The following PARD3 variants were observed in gnomAD, a reference collection of about 807,000 sequenced individuals.
PARD3 encodes par-3 family cell polarity regulator, also known as partitioning defective 3 homolog.
In PARD3, 75 loss-of-function variants were observed where a neutral mutation model predicts 155.4. That is an observed-to-expected ratio of 0.48 (90% CI 0.40 to 0.58). The LOEUF is 0.58. Among genes scored for constraint, PARD3 ranks in the 20% least tolerant of loss-of-function variants. The probability of loss-of-function intolerance (pLI) is 0.00; values close to 1 mark genes in which losing one functional copy is unlikely to be tolerated. For synonymous variants in PARD3, 576 were observed against 610.5 expected, an observed-to-expected ratio of 0.94 and a Z score of 0.83; for missense variants, 1,642 against 1,721.7, an observed-to-expected ratio of 0.95 and a Z score of 0.82.
chr10:34,239,955 T>A (rs1953476863), intron 22 of PARD3, among the ~76,000 whole-genome samples: 1 of 152,192 alleles, frequency 6.6e-6, no homozygotes, highest in South Asian at 2.1e-4. Context: ...TCTGTCATAG[T>A]TCATTTTAAG....
At position 34,200,058 on chromosome 10, in the gene PARD3, T is replaced by C. The variant is rs541916843; in HGVS notation, c.3420-68475A>G. 4.9e-4 allele frequency among the ~76,000 whole-genome samples: 74 copies of C among 152,350 alleles called. No homozygotes were observed. In the South Asian group the frequency reaches 0.015, roughly 31 times the overall value. On this transcript the variant is annotated intron_variant, in intron 22 of 24. Transcript: ENST00000374788. The stretch of plus-strand genomic sequence containing the variant: ...AGAAAGTGGATTTTTATAAATGAAC[T>C]ATCTTTGTGAGCTATGATCATGTAG...
chr10:34,696,182 A>G (rs1226455188), intron 2 of PARD3, 136 bp downstream of exon 2: 6 of 566,060 alleles, frequency 1.1e-5, no homozygotes, highest in Non-Finnish European at 1.9e-5. Context: ...TTATAAAAGA[A>G]AATATACTAG....
intron 22 of PARD3, among the ~76,000 whole-genome samples, chr10:34,268,296 T>G (rs1002698378): frequency 1.3e-5 from 2 of 151,838 alleles, no homozygotes; most frequent in African/African-American, 4.8e-5. Context: ...CTGGAGAGGA[T>G]GTGGAGAAAT....
intron 23 of PARD3, among the ~76,000 whole-genome samples, chr10:34,129,680 TTTTTTGTAATG>T (rs1947487195): frequency 1.4e-5 from 2 of 141,032 alleles, no homozygotes; most frequent in Non-Finnish European, 3.1e-5. Context: ...ATGTTCCTTT[TTTTTTGTAATG>T]TCAAGCCTCT....
Position 34,193,753 on chromosome 10 carries a change from C to T in PARD3, c.3420-62170G>A, listed in dbSNP as rs1950817009. Among the ~76,000 whole-genome samples the T allele has an allele frequency of 2.6e-5, 4 of 152,156 alleles. No homozygotes were observed. In the South Asian group the frequency reaches 8.3e-4, roughly 32 times the overall value. ...AATTTATATTCACAATAATTCCTGC[C>T]CATCTTTACAAGAGCTCTAAGTGAA... On this transcript the variant is annotated intron_variant, in intron 22 of 24. Coordinates refer to ENST00000374788, the MANE Select transcript of PARD3 (RefSeq NM_001184785.2).
intron 4 of PARD3, among the ~76,000 whole-genome samples, chr10:34,460,660 C>G (rs887359524): frequency 4.6e-5 from 7 of 151,788 alleles, no homozygotes; most frequent in Non-Finnish European, 8.8e-5. Flanking sequence ...GGTGAAACCC[C>G]GTCTCTACTA....
At chr10:34,133,145 G>T (rs138438102) in intron 22 of PARD3, among the ~76,000 whole-genome samples, 1 of 152,228 alleles carries the variant, frequency 6.6e-6, no homozygotes, top group African/African-American at 2.4e-5. Context: ...AAGGGCCTGG[G>T]TACCAAGGGG....
At chr10:34,412,993 T>C (rs1431212130) in intron 5 of PARD3, among the ~76,000 whole-genome samples, 2 of 152,168 alleles carry the variant, frequency 1.3e-5, no homozygotes, top group African/African-American at 4.8e-5. Flanking sequence ...ACTGTTTTAC[T>C]CTTGAAACGT....
At chr10:34,115,614 A>T (rs530628287) in intron 24 of PARD3, among the ~76,000 whole-genome samples, 12 of 152,204 alleles carry the variant, frequency 7.9e-5, no homozygotes, top group Non-Finnish European at 1.8e-4. Flanking sequence ...TAACTTGATT[A>T]AACTTAATTA....
intron 1 of PARD3, among the ~76,000 whole-genome samples, chr10:34,756,148 AC>A (rs1372255431): frequency 1.1e-5 from 1 of 91,210 alleles, no homozygotes; most frequent in Admixed American, 1.2e-4. Context: ...AAAAAAATGC[AC>A]CTTTTTTTTT....
At chr10:34,542,204 T>G (rs184398411) in intron 2 of PARD3, among the ~76,000 whole-genome samples, 63 of 3,902 alleles carry the variant, frequency 0.016, no homozygotes, top group Non-Finnish European at 0.14. Context: ...TTGTTTGGGG[T>G]GTGTGTGTGT....
intron 14 of PARD3, among the ~76,000 whole-genome samples, chr10:34,350,118 G>A (rs1429764284): frequency 6.6e-6 from 1 of 152,136 alleles, no homozygotes; most frequent in Non-Finnish European, 1.5e-5. Context: ...AAGATACAAT[G>A]GCTTTTAATT....
intron 22 of PARD3, among the ~76,000 whole-genome samples, chr10:34,269,235 TAAAA>T (rs890511684): frequency 1.3e-5 from 2 of 151,280 alleles, no homozygotes; most frequent in East Asian, 1.9e-4. Flanking sequence ...TTATGCTGCC[TAAAA>T]AAAAAGTGAT....
At chr10:34,381,912 C>CAAAAAAAAAAAAAAAAAAAAA (rs202053812) in intron 9 of PARD3, among the ~76,000 whole-genome samples, 65 of 71,866 alleles carry the variant, frequency 9.0e-4, no homozygotes, top group Middle Eastern at 7.2e-3. Flanking sequence ...GGCCCTGTCT[C>CAAAAAAAAAAAAAAAAAAAAA]AAAAAAAAAA....
At chr10:34,782,737 T>C (rs529604096) in intron 1 of PARD3, among the ~76,000 whole-genome samples, 7 of 152,166 alleles carry the variant, frequency 4.6e-5, no homozygotes, top group African/African-American at 1.7e-4. Context: ...TTTTTTTCTT[T>C]TTTTTTTGAG....
intron 2 of PARD3, among the ~76,000 whole-genome samples, chr10:34,657,591 T>C (rs2093208790): frequency 6.6e-6 from 1 of 152,080 alleles, no homozygotes; most frequent in Non-Finnish European, 1.5e-5. Context: ...CAGACTGGAG[T>C]ACAGTGGCAC....
intron 21 of PARD3, among the ~76,000 whole-genome samples, chr10:34,278,224 T>C (rs1257425630): frequency 1.4e-5 from 2 of 143,968 alleles, no homozygotes; most frequent in Admixed American, 6.9e-5. Context: ...TTAAAAAAAA[T>C]ATTTTTAGGG....
intron 1 of PARD3, among the ~76,000 whole-genome samples, chr10:34,758,536 A>C (rs1837030053): frequency 1.3e-5 from 2 of 152,232 alleles, no homozygotes; most frequent in African/African-American, 2.4e-5. Context: ...TGTGTTGCCC[A>C]CAATTTCCTT....
At chr10:34,419,972 A>C (rs1253431382) in intron 5 of PARD3, among the ~76,000 whole-genome samples, 1 of 152,208 alleles carries the variant, frequency 6.6e-6, no homozygotes, top group Non-Finnish European at 1.5e-5. Flanking sequence ...ATTGAGACAG[A>C]GTCTTGCTTA....
Sources: allele counts gnomAD v4.1 joint callset (sites outside exome capture counted in the v4.1 genomes callset), GRCh38; gene constraint gnomAD v4.1.1; transcripts MANE v1.5; gene names NCBI Gene and HGNC (gene_info 2026-07-23, HGNC 2026-07-21).